The following GADL1 variants were observed in gnomAD, a reference collection of about 807,000 sequenced individuals.
The protein encoded by GADL1 is acidic amino acid decarboxylase GADL1.
Under a neutral mutation model 69.5 loss-of-function variants are expected in GADL1, and 71 were observed. That is an observed-to-expected ratio of 1.02 (90% CI 0.84 to 1.25). The LOEUF (loss-of-function observed/expected upper bound fraction) is 1.25, where lower values mean the gene tolerates loss of function less well. Ranked by LOEUF, GADL1 falls within the 50% of genes most tolerant of loss-of-function variation. GADL1 has a pLI of 0.00. For synonymous variants in GADL1, 254 were observed against 214.4 expected (o/e 1.18, Z -1.62); for missense variants, 737 against 631.8 (o/e 1.17, Z -1.79).
rs368116908 is a variant in GADL1, at chr3:30,773,881, G to A, written c.1392+4298C>T. On this transcript the variant is annotated intron_variant, in intron 14 of 14. Coordinates refer to ENST00000282538, the MANE Select transcript of GADL1 (RefSeq NM_207359.3). ...ATGGTACAAAATTTACCCATGAATA[G>A]CTTACAGGAATCTCCTGACGCTCAC... Among the ~76,000 whole-genome samples the A allele has an allele frequency of 1.2e-4, 19 of 152,190 alleles. No homozygotes were observed. In the East Asian group the frequency reaches 1.5e-3, roughly 12 times the overall value.
intron 6 of GADL1, among the ~76,000 whole-genome samples, chr3:30,847,079 C>T (rs1698071735): frequency 6.6e-6 from 1 of 152,158 alleles, no homozygotes; most frequent in Non-Finnish European, 1.5e-5. Flanking sequence ...AGGAACTTTA[C>T]AAACACGGGA....
intron 1 of GADL1, among the ~76,000 whole-genome samples, chr3:30,881,198 G>C (rs1341865815): frequency 1.3e-5 from 2 of 151,860 alleles, no homozygotes; most frequent in East Asian, 1.9e-4. Context: ...AATTATGCTT[G>C]TATACATTTA....
chr3:30,752,259 A>C (rs1695840331), intron 14 of GADL1, among the ~76,000 whole-genome samples: 1 of 152,188 alleles, frequency 6.6e-6, no homozygotes, highest in Non-Finnish European at 1.5e-5. Context: ...CCACAAACCG[A>C]GCACTAGCAC....
rs1259374582 is a variant in GADL1 at position 30,834,236 on chromosome 3, G to A, written c.949C>T (p.Leu317Phe). 4 of 1,612,716 alleles carry A rather than the reference G, an allele frequency of 2.5e-6. No homozygotes were observed. The highest frequency in any genetic ancestry group is 3.4e-6 in the Non-Finnish European group (4 of 1,179,168). The part of the protein sequence containing the change: ...SALMSRKHRK[L>F]LHGIHRADSV... ...ATTTACCTGTGGATGCCATGCAGAA[G>A]CTTGCGGTGCTTCCTCGACATCAAA... The change falls in exon 10 of 15, where the codon CTT (leucine) becomes TTT (phenylalanine). Residue 317 changes from leucine to phenylalanine, a missense_variant. Leu to Phe is a conservative substitution (Grantham distance 22). Transcript: ENST00000282538.
At chr3:30,878,552 C>A (rs544693022) in intron 1 of GADL1, among the ~76,000 whole-genome samples, 2 of 152,014 alleles carry the variant, frequency 1.3e-5, no homozygotes, top group South Asian at 2.1e-4. Context: ...ACATTTGATA[C>A]CCATCTCTTT....
At chr3:30,854,290 G>T (rs1014656614) in intron 4 of GADL1, among the ~76,000 whole-genome samples, 1 of 152,118 alleles carries the variant, frequency 6.6e-6, no homozygotes, top group African/African-American at 2.4e-5. Context: ...TCAGATGAGA[G>T]TTTGGATTTT....
chr3:30,844,797 TTAA>T (rs1043300447), intron 6 of GADL1, among the ~76,000 whole-genome samples: 4 of 152,066 alleles, frequency 2.6e-5, no homozygotes, highest in African/African-American at 9.7e-5. Context: ...CAAAAATGGG[TTAA>T]TAATATATGT....
In GADL1 at chr3:30,778,258, G is replaced by T; in HGVS notation, c.1313C>A (p.Ala438Asp). ...GFKLLMEPEY[A>D]NICFWYIPPS... is the part of the protein sequence containing the mutation. ...TGGAATGTACCAAAAGCAAATATTGGCATATTCAGGCTGAGAATTAGAAAA... is the reference window on the plus strand; with the variant it reads ...TGGAATGTACCAAAAGCAAATATTGTCATATTCAGGCTGAGAATTAGAAAA... The change falls in exon 14 of 15, where the codon GCC becomes GAC. Residue 438 changes from alanine (A) to aspartate (D), a missense_variant. By Grantham distance (126) the Ala-to-Asp change is moderately radical. Coordinates refer to ENST00000282538, the MANE Select transcript of GADL1 (RefSeq NM_207359.3). 1.9e-6 allele frequency: 3 copies of T among 1,601,152 alleles called. No individual in the cohort carries two copies. Among genetic ancestry groups the T allele is most frequent in the Non-Finnish European group, 1.7e-6 (2 of 1,169,288 alleles).
At chr3:30,738,683 T>C (rs966248087) in intron 14 of GADL1, among the ~76,000 whole-genome samples, 2 of 152,188 alleles carry the variant, frequency 1.3e-5, no homozygotes, top group South Asian at 2.1e-4. Context: ...AGTGGTCCAA[T>C]ATTTCTGAAT....
At chr3:30,779,081 T>G (rs568422498) in intron 13 of GADL1, 24 of 152,338 alleles carry the variant, frequency 1.6e-4, no homozygotes, top group African/African-American at 5.5e-4. Flanking sequence ...CATGACTTGC[T>G]TAAACATGGG....
At chr3:30,775,236 C>T (rs900154241) in intron 14 of GADL1, among the ~76,000 whole-genome samples, 9 of 152,204 alleles carry the variant, frequency 5.9e-5, no homozygotes, top group African/African-American at 2.2e-4. Context: ...CTCTCCCCTT[C>T]TGCCGCCAAA....
intron 14 of GADL1, among the ~76,000 whole-genome samples, chr3:30,776,097 G>A (rs1273727277): frequency 6.6e-6 from 1 of 151,812 alleles, no homozygotes; most frequent in Admixed American, 6.6e-5. Context: ...AAAAAAAAAT[G>A]CATTATATTC....
intron 14 of GADL1, among the ~76,000 whole-genome samples, chr3:30,730,568 C>T (rs2125468205): frequency 6.6e-6 from 1 of 152,206 alleles, no homozygotes; most frequent in African/African-American, 2.4e-5. Context: ...ATCATCAGAC[C>T]TCTACTTAAG....
At chr3:30,881,687 T>C (rs1236887338) in intron 1 of GADL1, among the ~76,000 whole-genome samples, 3 of 151,876 alleles carry the variant, frequency 2.0e-5, no homozygotes, top group Non-Finnish European at 4.4e-5. Flanking sequence ...TGTCTAGCAA[T>C]GTCAAAATAC....
At chr3:30,761,890 TATATA>T (rs1696142815) in intron 14 of GADL1, among the ~76,000 whole-genome samples, 1 of 152,214 alleles carries the variant, frequency 6.6e-6, no homozygotes, top group Admixed American at 6.5e-5. Flanking sequence ...TTTCACAGGA[TATATA>T]ATATGAAGTT....
intron 6 of GADL1, 83 bp downstream of exon 6, chr3:30,849,913 A>C (rs965079636): frequency 7.5e-6 from 6 of 804,240 alleles, no homozygotes; most frequent in Non-Finnish European, 1.3e-5. Context: ...ATAGGACAAA[A>C]TCACATCAGG....
chr3:30,841,963 A>AG (rs1697972558), intron 8 of GADL1, among the ~76,000 whole-genome samples: 1 of 152,198 alleles, frequency 6.6e-6, no homozygotes, highest in Admixed American at 6.5e-5. Context: ...GGTGCAGAGG[A>AG]GGTGAGCACT....
chr3:30,848,974 G>T (rs1052353120), intron 6 of GADL1, among the ~76,000 whole-genome samples: 3 of 152,088 alleles, frequency 2.0e-5, no homozygotes, highest in Non-Finnish European at 4.4e-5. Flanking sequence ...CCACATCTTG[G>T]GTCTGGGCTC....
intron 13 of GADL1, among the ~76,000 whole-genome samples, chr3:30,785,175 C>G (rs1243760128): frequency 6.6e-6 from 1 of 152,016 alleles, no homozygotes; most frequent in African/African-American, 2.4e-5. Context: ...TAGATTATCT[C>G]ATGAACATGT....
Sources: gnomAD v4.1 joint callset for allele counts (sites outside exome capture counted in the v4.1 genomes callset) on GRCh38, gnomAD v4.1.1 for gene constraint, MANE v1.5 for transcripts, NCBI Gene and HGNC (gene_info 2026-07-23, HGNC 2026-07-21) for gene names.